SH3PXD2B: variants seen among roughly 807,000 people sequenced by gnomAD.
SH3PXD2B encodes the protein SH3 and PX domains 2B.
A neutral mutation model predicts 73.1 loss-of-function variants in SH3PXD2B; 37 were observed. That is an observed-to-expected ratio of 0.51 (90% CI 0.39 to 0.67). The LOEUF (loss-of-function observed/expected upper bound fraction) is 0.67, where lower values mean the gene tolerates loss of function less well. Ranked by LOEUF, SH3PXD2B falls within the 30% of genes least tolerant of loss-of-function variation. The pLI is 0.00. For missense variants in SH3PXD2B, 1,053 were observed against 1,197.8 expected, an observed-to-expected ratio of 0.88 and a Z score of 1.78; for synonymous variants, 457 against 480.5, an observed-to-expected ratio of 0.95 and a Z score of 0.64.
chr5:172,402,944 C>T (rs999885381), intron 3 of SH3PXD2B, among the ~76,000 whole-genome samples: 4 of 152,382 alleles, frequency 2.6e-5, no homozygotes, highest in South Asian at 2.1e-4. Flanking sequence ...CAGCAGAGCC[C>T]GAGTTGTGGC....
At chr5:172,403,467 G>A (rs940393097) in intron 3 of SH3PXD2B, among the ~76,000 whole-genome samples, 31 of 147,506 alleles carry the variant, frequency 2.1e-4, no homozygotes, top group Admixed American at 1.1e-3. Context: ...GGGGTGGTCC[G>A]GGGTCCTGGG....
intron 1 of SH3PXD2B, among the ~76,000 whole-genome samples, chr5:172,432,521 C>T (rs763864590): frequency 2.6e-5 from 4 of 152,298 alleles, no homozygotes; most frequent in Admixed American, 1.3e-4. Context: ...CCGCTCTGCA[C>T]GTGCCCATGT....
Position 172,327,578 on chromosome 5 carries a change from C to T in SH3PXD2B, c.1189-2198G>A, listed in dbSNP as rs554296871. On this transcript the variant is annotated intron_variant, in intron 12 of 12. Transcript: ENST00000519643. ...AACAAATCAACTAAAATTGGCCTAA[C>T]CAGTAGCCAATAGACAGTTTATTTA... Among the ~76,000 whole-genome samples the T allele has an allele frequency of 3.3e-5, 5 of 152,254 alleles. No homozygotes were observed. The South Asian group carries it at 1.0e-3, about 32-fold the overall frequency.
chr5:172,435,128 G>A (rs978406178), intron 1 of SH3PXD2B, among the ~76,000 whole-genome samples: 1 of 152,100 alleles, frequency 6.6e-6, no homozygotes, highest in South Asian at 2.1e-4. Flanking sequence ...CAGAACAGGC[G>A]ACACTAGCCA....
chr5:172,367,600 C>A (rs1757558960), intron 6 of SH3PXD2B, among the ~76,000 whole-genome samples: 1 of 152,150 alleles, frequency 6.6e-6, no homozygotes. Context: ...ATCCCCCATC[C>A]TCTATTTCTT....
Position 172,333,534 on chromosome 5 carries a change from TTTA to T in SH3PXD2B, c.*4832_*4834del. On this transcript the variant is annotated 3_prime_UTR_variant, in exon 13 of 13. Coordinates refer to ENST00000311601, the MANE Select transcript of SH3PXD2B (RefSeq NM_001017995.3). ...AGCTTGAAACCAGTCAAGCACTTTTTTTATTTAAAAAAAAAAAAAGGAAAGAAG... is the reference window on the plus strand; with the variant it reads ...AGCTTGAAACCAGTCAAGCACTTTTTTTTAAAAAAAAAAAAAGGAAAGAAG... The T allele has an allele frequency of 1.8e-6, 2 of 1,130,072 alleles. No homozygotes were observed. The highest frequency in any genetic ancestry group is 2.1e-5 in the African/African-American group (1 of 47,762). 70.0% of individuals were successfully genotyped at this position (1,130,072 alleles called of 1,614,324 possible). A position where few individuals can be genotyped will look rare whatever the true frequency, so the allele number is the denominator to read the frequency against.
chr5:172,436,617 G>A (rs953093631), intron 1 of SH3PXD2B, among the ~76,000 whole-genome samples: 5 of 152,220 alleles, frequency 3.3e-5, no homozygotes, highest in African/African-American at 1.2e-4. Context: ...CTGAGAATGC[G>A]GGCCCTCTGC....
rs138884377 is a variant in SH3PXD2B at position 172,358,828 on chromosome 5, C to T, written c.612G>A (p.Thr204=). The T allele has an allele frequency of 2.1e-4, 341 of 1,614,058 alleles. No homozygotes were observed. In the African/African-American group the frequency reaches 2.5e-3, roughly 12 times the overall value. Residue 204 remains threonine, a synonymous_variant, in exon 8 of 13, where the codon ACG becomes ACA. Coordinates refer to ENST00000311601, the MANE Select transcript of SH3PXD2B (RefSeq NM_001017995.3). Reference sequence around the variant, plus strand: ...GCACCCCATCCTGGCCTTCGAGGCACGTTGCAGGGACCCAGCCTTGCTCCT... The same window carrying T: ...GCACCCCATCCTGGCCTTCGAGGCATGTTGCAGGGACCCAGCCTTGCTCCT... ...TAEEQGWVPA[T]CLEGQDGVQD...
At chr5:172,435,410 C>T (rs74291592) in intron 1 of SH3PXD2B, among the ~76,000 whole-genome samples, 5,828 of 146,696 alleles carry the variant, frequency 0.04, 208 homozygotes, top group South Asian at 0.21. Flanking sequence ...GCCATTCTCA[C>T]TGTATCTGGA....
At position 172,339,398 on chromosome 5, in the gene SH3PXD2B, G is replaced by A. The variant is rs370969150; in HGVS notation, c.1707C>T (p.Ile569=). Residue 569 remains isoleucine, a synonymous_variant, in exon 13 of 13, where the codon ATC becomes ATT. Transcript: ENST00000311601. This position sits in a 1 kb window ranked among gnomAD's most constrained non-coding sequence, Gnocchi z 6.1. ...GCCTCCTGCTGTCCCGGGCTGGAGG[G>A]ATGTGTTTGGCTGGCATCATCGGCA... is the stretch of plus-strand genomic sequence containing the variant. ...VILPMMPAKH[I]PPARDSRRPE... The A allele has an allele frequency of 6.8e-5, 110 of 1,614,086 alleles. 1 individual carries two copies. The highest frequency in any genetic ancestry group is 9.1e-5 in the Non-Finnish European group (107 of 1,180,048).
intron 6 of SH3PXD2B, among the ~76,000 whole-genome samples, chr5:172,370,309 C>A (rs1431580805): frequency 1.3e-5 from 2 of 152,232 alleles, no homozygotes; most frequent in Non-Finnish European, 2.9e-5. Flanking sequence ...AGTTTTAACA[C>A]CTGATGGTGG....
At position 172,404,028 on chromosome 5, in the gene SH3PXD2B, G is replaced by C. The variant is rs1283800392; in HGVS notation, c.232+2249C>G. 3.9e-5 allele frequency among the ~76,000 whole-genome samples: 6 copies of C among 152,352 alleles called. No individual in the cohort carries two copies. The East Asian group carries it at 1.2e-3, about 29-fold the overall frequency. The stretch of plus-strand genomic sequence containing the variant: ...GGAGCGCTGACATTTGGCTGCCGCA[G>C]CTGGCCAGCGGGGTTTTCTCCAGCA... On this transcript the variant is annotated intron_variant, in intron 3 of 12. Transcript: ENST00000311601.
intron 1 of SH3PXD2B, among the ~76,000 whole-genome samples, chr5:172,425,387 G>T (rs932971621): frequency 6.6e-6 from 1 of 152,156 alleles, no homozygotes; most frequent in African/African-American, 2.4e-5. Context: ...AAGTCTGCAT[G>T]AGGGTGGTAG....
At chr5:172,416,082 C>T (rs1469738959) in intron 2 of SH3PXD2B, among the ~76,000 whole-genome samples, 5 of 152,180 alleles carry the variant, frequency 3.3e-5, no homozygotes, top group African/African-American at 1.2e-4. Flanking sequence ...AATCCCAGCA[C>T]TTTGGGAGGC....
chr5:172,383,940 G>A (rs1009383157), intron 4 of SH3PXD2B, among the ~76,000 whole-genome samples: 2 of 151,550 alleles, frequency 1.3e-5, no homozygotes, highest in Admixed American at 1.3e-4. Context: ...TCTGCCTCCC[G>A]GGTTCAAGTG....
intron 2 of SH3PXD2B, among the ~76,000 whole-genome samples, chr5:172,410,569 G>C (rs2113439660): frequency 6.6e-6 from 1 of 152,208 alleles, no homozygotes; most frequent in South Asian, 2.1e-4. Flanking sequence ...GTACTTTCCA[G>C]TCAATTTTTC....
At chr5:172,427,263 A>G (rs1301800616) in intron 1 of SH3PXD2B, among the ~76,000 whole-genome samples, 1 of 152,256 alleles carries the variant, frequency 6.6e-6, no homozygotes, top group African/African-American at 2.4e-5. Flanking sequence ...ATACTGTATG[A>G]TTACAGGAGG....
At chr5:172,436,720 G>T (rs889217852) in intron 1 of SH3PXD2B, among the ~76,000 whole-genome samples, 8 of 152,226 alleles carry the variant, frequency 5.3e-5, no homozygotes, top group Middle Eastern at 3.2e-3. Context: ...GCACGGAGGG[G>T]CTAGGGCTTC....
At chr5:172,331,694 G>T (rs965208625), downstream of SH3PXD2B, among the ~76,000 whole-genome samples, 1 of 152,328 alleles carries the variant, frequency 6.6e-6, no homozygotes, top group African/African-American at 2.4e-5. Context: ...GCTCATGCCT[G>T]TAATCCCAGC....
Sources: gnomAD v4.1 joint callset for allele counts (sites outside exome capture counted in the v4.1 genomes callset) on GRCh38, gnomAD v4.1.1 for gene constraint, Gnocchi (gnomAD v3.1) non-coding constraint, MANE v1.5 for transcripts, NCBI Gene and HGNC (gene_info 2026-07-23, HGNC 2026-07-21) for gene names.